The following NSL1 variants were observed in gnomAD, a reference collection of about 807,000 sequenced individuals.
NSL1 encodes the protein NSL1 component of MIS12 kinetochore complex.
NSL1 carries 11 observed loss-of-function variants against 25.4 expected under a neutral mutation model. That is an observed-to-expected ratio of 0.43 (90% CI 0.27 to 0.72). The LOEUF is 0.72. Ranked by LOEUF, NSL1 falls within the 30% of genes least tolerant of loss-of-function variation. The probability of loss-of-function intolerance (pLI) is 0.19; values close to 1 mark genes in which losing one functional copy is unlikely to be tolerated. For synonymous variants in NSL1, 118 were observed against 120.6 expected, an observed-to-expected ratio of 0.98 and a Z score of 0.14; for missense variants, 330 against 342.7, an observed-to-expected ratio of 0.96 and a Z score of 0.29.
Position 212,736,707 on chromosome 1 carries a change from C to G in NSL1, c.*1701G>C. 1 of 984,380 alleles carries G rather than the reference C, an allele frequency of 1.0e-6. No individual in the cohort carries two copies. The highest frequency in any genetic ancestry group is 1.2e-6 in the Non-Finnish European group (1 of 829,002). 61.0% of individuals were successfully genotyped at this position (984,380 alleles called of 1,614,324 possible). On this transcript the variant is annotated 3_prime_UTR_variant, in exon 6 of 6. Coordinates refer to ENST00000366977, the MANE Select transcript of NSL1 (RefSeq NM_015471.4). Reference sequence around the variant, plus strand: ...TTAAAATATAACCATTTTTTAAAAACTTATAAAAATTTCCAACACAAAGTA... The same window carrying G: ...TTAAAATATAACCATTTTTTAAAAAGTTATAAAAATTTCCAACACAAAGTA...
At position 212,731,739 on chromosome 1, in the gene NSL1, G is replaced by T. The variant is rs116370347; in HGVS notation, c.*6669C>A. The T allele has an allele frequency of 2.4e-5, 24 of 985,194 alleles. No individual in the cohort carries two copies. Among genetic ancestry groups the T allele is most frequent in the Non-Finnish European group, 2.8e-5 (23 of 829,882 alleles). The allele number at this position is 985,194 out of a possible 1,614,324, so 61.0% of individuals were successfully genotyped here. On this transcript the variant is annotated 3_prime_UTR_variant, in exon 6 of 6. Transcript: ENST00000366977. ...CATCCACTGACTTCCAGTTGTGGTG[G>T]GTGAAGATTTCACTCCCCACTGCCA... is the stretch of plus-strand genomic sequence containing the variant.
chr1:212,779,146 T>C (rs1327620163), intron 4 of NSL1, among the ~76,000 whole-genome samples: 1 of 148,360 alleles, frequency 6.7e-6, no homozygotes, highest in African/African-American at 2.5e-5. Context: ...ATCTGAGAAA[T>C]GAGGAGCCCC....
At position 212,791,768 on chromosome 1, in the gene NSL1, C is replaced by T. The variant is rs1333690438; in HGVS notation, c.-5G>A. 1 of 1,602,464 alleles carries T rather than the reference C, an allele frequency of 6.2e-7. No individual in the cohort carries two copies. Among genetic ancestry groups the T allele is most frequent in the Non-Finnish European group, 8.5e-7 (1 of 1,172,904 alleles). On this transcript the variant is annotated 5_prime_UTR_variant, in exon 1 of 6. Transcript: ENST00000366977. The stretch of plus-strand genomic sequence containing the variant: ...CAACTCAGGAGACCCCGCCATTTTT[C>T]GTCGGAACTGTGGGCGGGGCACTCT...
At position 212,730,724 on chromosome 1, in the gene NSL1, GA is replaced by G. The variant is rs1296163013; in HGVS notation, c.*7683del. 2 of 985,284 alleles carry G rather than the reference GA, an allele frequency of 2.0e-6. No individual in the cohort carries two copies. The highest frequency in any genetic ancestry group is 2.4e-6 in the Non-Finnish European group (2 of 829,938). 61.0% of individuals were successfully genotyped at this position (985,284 alleles called of 1,614,324 possible). On this transcript the variant is annotated 3_prime_UTR_variant, in exon 6 of 6. Coordinates refer to ENST00000366977, the MANE Select transcript of NSL1 (RefSeq NM_015471.4). ...GCTCTTATGTCCTGCAGGGATATGG[GA>G]ATTAGACTTAGTTCTAGTAGACGTA... is the stretch of plus-strand genomic sequence containing the variant.
rs150499483 is a variant in NSL1 at position 212,742,606 on chromosome 1, T to C, written c.500-3005A>G. Among the ~76,000 whole-genome samples the C allele has an allele frequency of 3.8e-3, 581 of 152,262 alleles. 2 individuals are homozygous for C. The highest frequency in any genetic ancestry group is 0.013 in the African/African-American group (558 of 41,566). ...CCCATAATTTAGACTATAGTCAATA[T>C]ATACATTAACTTAAAAAGACTTCAA... On this transcript the variant is annotated intron_variant, in intron 4 of 5. Transcript: ENST00000366977.
At position 212,735,961 on chromosome 1, in the gene NSL1, G is replaced by A. The variant is rs565129114; in HGVS notation, c.*2447C>T. The A allele has an allele frequency of 2.0e-6, 2 of 985,408 alleles. No individual in the cohort carries two copies. The highest frequency in any genetic ancestry group is 3.5e-5 in the African/African-American group (2 of 57,342). The allele number at this position is 985,408 out of a possible 1,614,324, so 61.0% of individuals were successfully genotyped here. On this transcript the variant is annotated 3_prime_UTR_variant, in exon 6 of 6. Transcript: ENST00000366977. ...ATAGTAGCCTAAATAAACAAATGTAGATTTTGGTACCAGTTTTCAGAAACC... is the reference window on the plus strand; with the variant it reads ...ATAGTAGCCTAAATAAACAAATGTAAATTTTGGTACCAGTTTTCAGAAACC...
In NSL1 at chr1:212,760,294, C is replaced by A. The variant is rs1261866011; in HGVS notation, c.500-20693G>T. On this transcript the variant is annotated intron_variant, in intron 4 of 5. Coordinates refer to ENST00000366977, the MANE Select transcript of NSL1 (RefSeq NM_015471.4). This position sits in a 1 kb window ranked among gnomAD's most constrained non-coding sequence, Gnocchi z 4.3. Reference sequence around the variant, plus strand: ...ATCAGGAGGCTAAGATCAGGCCCACCCTGCTCTGCACCACTCTACCACACC... The same window carrying A: ...ATCAGGAGGCTAAGATCAGGCCCACACTGCTCTGCACCACTCTACCACACC... 6.6e-6 allele frequency among the ~76,000 whole-genome samples: 1 copy of A among 152,146 alleles called. No individual in the cohort carries two copies. Among genetic ancestry groups the A allele is most frequent in the African/African-American group, 2.4e-5 (1 of 41,422 alleles).
At position 212,728,719 on chromosome 1, in the gene NSL1, GACA is replaced by G; in HGVS notation, c.*9686_*9688del. Reference sequence around the variant, plus strand: ...CTCTGGAGAATGGAACACCTTCACAGACAACATCAGGGATAAACCTGATCACCG... The same window carrying G: ...CTCTGGAGAATGGAACACCTTCACAGACATCAGGGATAAACCTGATCACCG... On this transcript the variant is annotated 3_prime_UTR_variant, in exon 6 of 6. Transcript: ENST00000366977. The G allele has an allele frequency of 1.0e-6, 1 of 985,392 alleles. No individual in the cohort carries two copies. The highest frequency in any genetic ancestry group is 1.7e-5 in the African/African-American group (1 of 57,332). The allele number at this position is 985,392 out of a possible 1,614,324, so 61.0% of individuals were successfully genotyped here.
chr1:212,789,399 A>C (rs1661080284), intron 1 of NSL1, among the ~76,000 whole-genome samples: 1 of 152,140 alleles, frequency 6.6e-6, no homozygotes, highest in Non-Finnish European at 1.5e-5. Context: ...TTTAGTATAG[A>C]CAGGGTTTCA....
At chr1:212,756,198 C>T (rs551053817) in intron 4 of NSL1, among the ~76,000 whole-genome samples, 21 of 152,290 alleles carry the variant, frequency 1.4e-4, no homozygotes, top group Admixed American at 3.9e-4. Context: ...TAGCTCACTG[C>T]AGCCTTGACC....
chr1:212,737,655 G>A lies in NSL1; in HGVS notation c.*753C>T, dbSNP rs922056123. 1.7e-5 allele frequency: 16 copies of A among 949,760 alleles called. No homozygotes were observed. The highest frequency in any genetic ancestry group is 4.9e-5 in the South Asian group (1 of 20,572). The allele number at this position is 949,760 out of a possible 1,614,324, so 58.8% of individuals were successfully genotyped here. A position where few individuals can be genotyped will look rare whatever the true frequency, so the allele number is the denominator to read the frequency against. ...TCTGATATATATTTTGAACTGGAAT[G>A]ATTTGTAAAGAAATAAATAAGAAAC... On this transcript the variant is annotated 3_prime_UTR_variant, in exon 6 of 6. Coordinates refer to ENST00000366977, the MANE Select transcript of NSL1 (RefSeq NM_015471.4).
chr1:212,778,065 C>G (rs1571911976), intron 4 of NSL1, among the ~76,000 whole-genome samples: 1 of 152,152 alleles, frequency 6.6e-6, no homozygotes, highest in East Asian at 1.9e-4. Context: ...ATATTAAGAA[C>G]AATTTATGGG....
chr1:212,739,574 C>T lies in NSL1; in HGVS notation c.527G>A (p.Arg176Lys). ...GATCTCCTTTGCTACTGTTTCCCCT[C>T]TGCATTTCAAATTTTCCATATGAGG... The part of the protein sequence containing the change: ...PAPHMENLKC[R>K]GETVAKEISE... The change falls in exon 5 of 6, where the codon AGA becomes AAA. Residue 176 changes from arginine (R) to lysine (K), a missense_variant. Transcript: ENST00000366977. 6.2e-7 allele frequency: 1 copy of T among 1,613,602 alleles called. No homozygotes were observed.
At chr1:212,755,890 AGGAT>A (rs1339391226) in intron 4 of NSL1, among the ~76,000 whole-genome samples, 1 of 152,186 alleles carries the variant, frequency 6.6e-6, no homozygotes, top group Non-Finnish European at 1.5e-5. Context: ...AGTCGAATGG[AGGAT>A]GTCTACCATA....
At chr1:212,752,259 T>G (rs10863990) in intron 4 of NSL1, among the ~76,000 whole-genome samples, 61,220 of 152,118 alleles carry the variant, frequency 0.4, 13,971 homozygotes, top group Non-Finnish European at 0.51. Context: ...ATTTATTTAT[T>G]TATACATTTT....
chr1:212,786,691 C>T (rs1164338886), intron 2 of NSL1, among the ~76,000 whole-genome samples: 2 of 151,984 alleles, frequency 1.3e-5, no homozygotes, highest in African/African-American at 4.8e-5. Flanking sequence ...ACCTGTGATT[C>T]CAGCTACTTG....
At chr1:212,749,167 G>C (rs540966796) in intron 4 of NSL1, among the ~76,000 whole-genome samples, 2 of 152,072 alleles carry the variant, frequency 1.3e-5, no homozygotes, top group South Asian at 4.2e-4. Flanking sequence ...TGCAATATAT[G>C]TGCACACACA....
intron 4 of NSL1, among the ~76,000 whole-genome samples, chr1:212,766,659 AG>A (rs1659838389): frequency 6.6e-6 from 1 of 151,276 alleles, no homozygotes; most frequent in Non-Finnish European, 1.5e-5. Context: ...AAAAAAAAAA[AG>A]AAAAAAAAAG....
Position 212,736,490 on chromosome 1 carries a change from AT to A in NSL1, c.*1917del. On this transcript the variant is annotated 3_prime_UTR_variant, in exon 6 of 6. Coordinates refer to ENST00000366977, the MANE Select transcript of NSL1 (RefSeq NM_015471.4). Reference sequence around the variant, plus strand: ...TTACTAGTTCTTGGCCTATGCAGAAATGCAACTTCTCCTCTTACACAGTATA... The same window carrying A: ...TTACTAGTTCTTGGCCTATGCAGAAAGCAACTTCTCCTCTTACACAGTATA... 1.0e-6 allele frequency: 1 copy of A among 985,366 alleles called. No individual in the cohort carries two copies. Among genetic ancestry groups the A allele is most frequent in the Non-Finnish European group, 1.2e-6 (1 of 829,860 alleles). 61.0% of individuals were successfully genotyped at this position (985,366 alleles called of 1,614,324 possible).
Sources: allele counts gnomAD v4.1 joint callset (sites outside exome capture counted in the v4.1 genomes callset), GRCh38; gene constraint gnomAD v4.1.1; non-coding constraint Gnocchi (gnomAD v3.1); transcripts MANE v1.5; gene names NCBI Gene and HGNC (gene_info 2026-07-23, HGNC 2026-07-21).